Variants in ITIH4 observed in about 807,000 individuals in gnomAD.
The protein encoded by ITIH4 is inter-alpha-trypsin inhibitor heavy chain 4.
A neutral mutation model predicts 111.8 loss-of-function variants in ITIH4; 79 were observed. The observed-to-expected ratio is 0.71, with a 90% confidence interval of 0.59 to 0.85. The LOEUF is 0.85. ITIH4 is among the 40% of genes least tolerant of loss of function. The probability of loss-of-function intolerance (pLI) is 0.00; values close to 1 mark genes in which losing one functional copy is unlikely to be tolerated. For missense variants in ITIH4, 1,065 were observed against 1,195.8 expected (o/e 0.89, Z 1.61); for synonymous variants, 472 against 468.3 (o/e 1.01, Z -0.10).
At chr3:52,825,765 G>T in intron 6 of ITIH4, 121 bp downstream of exon 6, 1 of 1,073,670 alleles carries the variant, frequency 9.3e-7, no homozygotes, top group Non-Finnish European at 1.3e-6. Context: ...TGTCTGTGCC[G>T]GTCCCTGGTG....
Position 52,820,607 on chromosome 3 carries a change from C to T in ITIH4, c.1834+24G>A, listed in dbSNP as rs1210746879. 4 of 1,587,734 alleles carry T rather than the reference C, an allele frequency of 2.5e-6. No individual in the cohort carries two copies. In the East Asian group the frequency reaches 6.7e-5, roughly 27 times the overall value. The stretch of plus-strand genomic sequence containing the variant: ...GGTCCAAACTCTGCTACCTGGGAGG[C>T]TGAGATCTCAACCCCACACCCACCG... On this transcript the variant is annotated intron_variant, in intron 13 of 23. Coordinates refer to ENST00000266041, the MANE Select transcript of ITIH4 (RefSeq NM_002218.5).
chr3:52,820,225 G>C (rs1175327958), intron 14 of ITIH4, 66 bp downstream of exon 14: 9 of 1,604,356 alleles, frequency 5.6e-6, no homozygotes, highest in Non-Finnish European at 7.7e-6. Context: ...TCACAGGGCT[G>C]GTGCCCTGGA....
chr3:52,814,437 G>GT (rs1700243782), intron 21 of ITIH4, 74 bp from the exon 22 acceptor site: 1 of 1,361,150 alleles, frequency 7.3e-7, no homozygotes, highest in African/African-American at 1.4e-5. Flanking sequence ...AGGGTGGGGA[G>GT]TGGGCTGGGC....
chr3:52,824,390 C>T lies in ITIH4; in HGVS notation c.1045+7G>A. 1 of 1,613,936 alleles carries T rather than the reference C, an allele frequency of 6.2e-7. No individual in the cohort carries two copies. The highest frequency in any genetic ancestry group is 8.5e-7 in the Non-Finnish European group (1 of 1,179,876). On this transcript the variant is annotated splice_region_variant and intron_variant, in intron 8 of 23. Transcript: ENST00000266041. This position sits in a 1 kb window ranked among gnomAD's most constrained non-coding sequence, Gnocchi z 4.3. ...CCCCCACCCTGCAGGGCCACAGAGA[C>T]ACTTACCTCCCAGGGCCTGGATGCC...
rs749323767 is a variant in ITIH4, at chr3:52,826,664, T to C, written c.520-13A>G. The C allele has an allele frequency of 1.2e-6, 2 of 1,612,806 alleles. No homozygotes were observed. Among genetic ancestry groups the C allele is most frequent in the Non-Finnish European group, 1.7e-6 (2 of 1,179,002 alleles). On this transcript the variant is annotated splice_polypyrimidine_tract_variant and intron_variant, in intron 4 of 23. Transcript: ENST00000266041. Reference sequence around the variant, plus strand: ...TGTGAATGTCCATCTGGAGGCAAGATGTGGGTCCCTGGGTCAGCCAGGAGC... The same window carrying C: ...TGTGAATGTCCATCTGGAGGCAAGACGTGGGTCCCTGGGTCAGCCAGGAGC...
intron 6 of ITIH4, 177 bp from the exon 7 acceptor site, chr3:52,825,135 CG>C (rs1368147908): frequency 7.0e-6 from 3 of 431,576 alleles, no homozygotes; most frequent in Non-Finnish European, 1.2e-5. Flanking sequence ...CCCTTTCTTG[CG>C]GAAGCCTTCC....
Position 52,823,932 on chromosome 3 carries a change from A to T in ITIH4, c.1244T>A (p.Leu415Gln). ...AVSGRYSLFC[L>Q]GFGFDVSYAF... ...ATAGCTGACGTCGAAACCGAAGCCC[A>T]GGCAGAAGAGGCTGTACCGGCCACT... Residue 415 changes from leucine to glutamine, a missense_variant, in exon 10 of 24, where the codon CTG becomes CAG. Transcript: ENST00000266041. The T allele has an allele frequency of 6.2e-7, 1 of 1,606,614 alleles. No individual in the cohort carries two copies. The highest frequency in any genetic ancestry group is 8.5e-7 in the Non-Finnish European group (1 of 1,176,728).
In ITIH4 at chr3:52,826,942, C is replaced by T. The variant is rs1578781793; in HGVS notation, c.368G>A (p.Arg123Lys). The T allele has an allele frequency of 6.2e-7, 1 of 1,614,116 alleles. No individual in the cohort carries two copies. Among genetic ancestry groups the T allele is most frequent in the Non-Finnish European group, 8.5e-7 (1 of 1,180,018 alleles). ...CGACACCTGGAACTGCTCCATGTTT[C>T]TCCCGGTGGCCCTGGGGGAGAAGGG... The part of the protein sequence containing the change: ...KSAGLVKATG[R>K]NMEQFQVSVS... Residue 123 changes from arginine (R) to lysine (K), a missense_variant, in exon 4 of 24, where the codon AGA becomes AAA. Transcript: ENST00000266041.
In ITIH4 at chr3:52,824,573, G is replaced by A. The variant is rs1226994022; in HGVS notation, c.877-8C>T. 1 of 1,606,152 alleles carries A rather than the reference G, an allele frequency of 6.2e-7. No individual in the cohort carries two copies. Among genetic ancestry groups the A allele is most frequent in the Non-Finnish European group, 8.5e-7 (1 of 1,176,896 alleles). On this transcript the variant is annotated splice_region_variant and splice_polypyrimidine_tract_variant and intron_variant, in intron 7 of 23. Coordinates refer to ENST00000266041, the MANE Select transcript of ITIH4 (RefSeq NM_002218.5). This position sits in a 1 kb window ranked among gnomAD's most constrained non-coding sequence, Gnocchi z 4.3. ...GATTAGGGCTTCCCGGGTCTGGTCA[G>A]GGAGAGGAAACATAGGTGCTTCAGA...
In ITIH4 at chr3:52,830,542, A is replaced by T; in HGVS notation, c.90+11T>A. ...CCCCCAGCTCACGCCACACCCATGG[A>T]CACTGGCTACCTTTTCGGCAGTAGT... On this transcript the variant is annotated intron_variant, in intron 1 of 23. Transcript: ENST00000266041. 6.2e-7 allele frequency: 1 copy of T among 1,613,374 alleles called. No individual in the cohort carries two copies. Among genetic ancestry groups the T allele is most frequent in the Non-Finnish European group, 8.5e-7 (1 of 1,179,312 alleles).
At chr3:52,819,712 C>CA (rs1553625314) in intron 16 of ITIH4, 42 bp downstream of exon 16, 28 of 1,605,424 alleles carry the variant, frequency 1.7e-5, no homozygotes, top group African/African-American at 2.7e-5. Flanking sequence ...AGCTCCCCCC[C>CA]AGGGATGTCA....
intron 23 of ITIH4, among the ~76,000 whole-genome samples, chr3:52,813,731 G>A (rs1326027901): frequency 3.3e-5 from 5 of 152,198 alleles, no homozygotes; most frequent in East Asian, 1.9e-4. Flanking sequence ...GAGAGGTTCC[G>A]ACTGTCCCCA....
chr3:52,814,480 C>T (rs1700244584), intron 21 of ITIH4, 117 bp from the exon 22 acceptor site: 1 of 858,088 alleles, frequency 1.2e-6, no homozygotes, highest in African/African-American at 1.7e-5. Context: ...ACGGAGTGGC[C>T]TTGGGTGGGA....
At chr3:52,817,635 C>T (rs1273444373) in intron 20 of ITIH4, among the ~76,000 whole-genome samples, 1 of 152,238 alleles carries the variant, frequency 6.6e-6, no homozygotes, top group East Asian at 1.9e-4. Context: ...CCCTCATCCA[C>T]ACCTTCTAGG....
intron 17 of ITIH4, chr3:52,818,861 A>C (rs1475705262): frequency 2.7e-6 from 1 of 373,132 alleles, no homozygotes; most frequent in Admixed American, 4.3e-5. Context: ...GATCCTACTC[A>C]GTGAAAGTAA....
At chr3:52,827,053 T>C in intron 3 of ITIH4, 40 bp downstream of exon 3, 2 of 1,611,028 alleles carry the variant, frequency 1.2e-6, no homozygotes, top group Non-Finnish European at 1.7e-6. Flanking sequence ...GTGGCCTTTG[T>C]CTAGACCCTC....
chr3:52,829,453 ATT>A (rs1315632682), intron 1 of ITIH4, among the ~76,000 whole-genome samples, 174 bp from the exon 2 acceptor site: 1 of 152,120 alleles, frequency 6.6e-6, no homozygotes, highest in Non-Finnish European at 1.5e-5. Flanking sequence ...ATATGTGAAC[ATT>A]TGTCTCAGGT....
In ITIH4 at chr3:52,813,343, G is replaced by T; in HGVS notation, c.*78C>A. ...AGTGGGACTCTTCCTCCCCATGGTG[G>T]TCCAGGCCCCAGAAGCGGCCCTGCA... On this transcript the variant is annotated 3_prime_UTR_variant, in exon 24 of 24. Transcript: ENST00000266041. 2.4e-6 allele frequency: 3 copies of T among 1,254,788 alleles called. No individual in the cohort carries two copies. Among genetic ancestry groups the T allele is most frequent in the Non-Finnish European group, 3.5e-6 (3 of 852,862 alleles). 77.7% of individuals were successfully genotyped at this position (1,254,788 alleles called of 1,614,324 possible).
intron 1 of ITIH4, 68 bp from the exon 2 acceptor site, chr3:52,829,347 A>C: frequency 6.6e-7 from 1 of 1,510,242 alleles, no homozygotes; most frequent in South Asian, 1.3e-5. Context: ...GACGCTCTTC[A>C]AGAGTTGGCC....
Sources: allele counts gnomAD v4.1 joint callset (sites outside exome capture counted in the v4.1 genomes callset), GRCh38; gene constraint gnomAD v4.1.1; non-coding constraint Gnocchi (gnomAD v3.1); transcripts MANE v1.5; gene names NCBI Gene and HGNC (gene_info 2026-07-23, HGNC 2026-07-21).